Variants in HDLBP observed in about 807,000 individuals in gnomAD.
HDLBP encodes the protein vigilin.
In HDLBP, 30 loss-of-function variants were observed where a neutral mutation model predicts 137.3. That is an observed-to-expected ratio of 0.22 (90% CI 0.16 to 0.30). The LOEUF is 0.30. HDLBP is among the 10% of genes least tolerant of loss of function. HDLBP has a pLI of 1.00. For missense variants in HDLBP, 1,119 were observed against 1,667.3 expected (o/e 0.67, Z 5.73); for synonymous variants, 606 against 596.0 (o/e 1.02, Z -0.24).
chr2:241,302,418 C>T (rs1027862521), intron 1 of HDLBP, among the ~76,000 whole-genome samples: 4 of 152,188 alleles, frequency 2.6e-5, no homozygotes, highest in Middle Eastern at 3.4e-3. Flanking sequence ...ATTAGCCAGG[C>T]ACCCTATAGT....
Position 241,305,764 on chromosome 2 carries a change from T to G in HDLBP, c.-103+9806A>C, listed in dbSNP as rs1038617192. On this transcript the variant is annotated intron_variant, in intron 1 of 27. Coordinates refer to ENST00000310931, the MANE Select transcript of HDLBP (RefSeq NM_005336.6). ...TGAATACAAAGTTGTTTATTTGTTTTTTTTTTTTTTTTTGAGATGGAGTCT... is the reference window on the plus strand; with the variant it reads ...TGAATACAAAGTTGTTTATTTGTTTGTTTTTTTTTTTTTGAGATGGAGTCT... Among the ~76,000 whole-genome samples, 217 of 146,314 alleles carry G rather than the reference T, an allele frequency of 1.5e-3. 1 individual carries two copies. The highest frequency in any genetic ancestry group is 2.6e-3 in the Non-Finnish European group (167 of 65,042).
intron 1 of HDLBP, among the ~76,000 whole-genome samples, chr2:241,279,652 ACT>A (rs1401711316): frequency 6.6e-6 from 1 of 152,124 alleles, no homozygotes; most frequent in East Asian, 1.9e-4. Flanking sequence ...CTCTGGGAAA[ACT>A]GGTTATCTAC....
At chr2:241,265,872 G>T (rs139680555) in intron 3 of HDLBP, among the ~76,000 whole-genome samples, 7 of 152,298 alleles carry the variant, frequency 4.6e-5, no homozygotes, top group African/African-American at 1.7e-4. Context: ...GCTCCAGGAG[G>T]AGGATCCCAG....
Position 241,259,994 on chromosome 2 carries a change from GTTAT to G in HDLBP, c.450+2713_450+2716del, listed in dbSNP as rs147269062. ...ATCTTTCTGTGTTAGAAATTAAGAAGTTATTTATTTATTTATTTATTATTTTGAG... is the reference window on the plus strand; with the variant it reads ...ATCTTTCTGTGTTAGAAATTAAGAAGTTATTTATTTATTTATTATTTTGAG... On this transcript the variant is annotated intron_variant, in intron 5 of 27. Transcript: ENST00000310931. 3.0e-3 allele frequency among the ~76,000 whole-genome samples: 450 copies of G among 152,084 alleles called. 2 individuals carry two copies. The highest frequency in any genetic ancestry group is 5.0e-3 in the Non-Finnish European group (341 of 67,984).
intron 12 of HDLBP, 41 bp from the exon 13 acceptor site, chr2:241,248,389 C>G (rs552600870): frequency 6.8e-7 from 1 of 1,470,542 alleles, no homozygotes. Context: ...ATCACAAGCA[C>G]GGCGAGCAAC....
At chr2:241,279,097 A>G (rs2074504526) in intron 1 of HDLBP, among the ~76,000 whole-genome samples, 1 of 152,212 alleles carries the variant, frequency 6.6e-6, no homozygotes, top group Admixed American at 6.5e-5. Flanking sequence ...ACTTATAAAA[A>G]CCTTTGTCAA....
intron 11 of HDLBP, 73 bp from the exon 12 acceptor site, chr2:241,250,053 A>T: frequency 5.5e-6 from 8 of 1,459,982 alleles, no homozygotes; most frequent in Non-Finnish European, 6.5e-6. Context: ...ACTGGGCAGG[A>T]CAGCGCTAAA....
intron 24 of HDLBP, 67 bp from the exon 25 acceptor site, chr2:241,231,011 G>A (rs2069677718): frequency 6.5e-6 from 9 of 1,390,612 alleles, no homozygotes; most frequent in South Asian, 2.4e-5. Context: ...GGCAAGAGCC[G>A]GCCCCCACTG....
chr2:241,249,574 C>T (rs939622972), intron 12 of HDLBP, among the ~76,000 whole-genome samples: 9 of 152,362 alleles, frequency 5.9e-5, no homozygotes, highest in African/African-American at 1.9e-4. Context: ...GGCATCTGGG[C>T]ACCCAGGGTG....
At chr2:241,296,100 C>CAAAA (rs34959720) in intron 1 of HDLBP, among the ~76,000 whole-genome samples, 6 of 85,676 alleles carry the variant, frequency 7.0e-5, no homozygotes, top group Admixed American at 1.3e-4. Context: ...GAAAATTTTG[C>CAAAA]AAAAAAAAAA....
Position 241,278,847 on chromosome 2 carries a change from C to T in HDLBP, c.-102-10306G>A, listed in dbSNP as rs540504122. ...CACACAATCAATTATGTTTCCAAAACACCAGCAACAAACTATTAAAAATAA... is the reference window on the plus strand; with the variant it reads ...CACACAATCAATTATGTTTCCAAAATACCAGCAACAAACTATTAAAAATAA... On this transcript the variant is annotated intron_variant, in intron 1 of 27. Transcript: ENST00000310931. Among the ~76,000 whole-genome samples the T allele has an allele frequency of 1.4e-4, 21 of 152,148 alleles. No homozygotes were observed. In the South Asian group the frequency reaches 4.4e-3, roughly 32 times the overall value.
intron 1 of HDLBP, among the ~76,000 whole-genome samples, chr2:241,298,411 G>A (rs376434332): frequency 1.4e-4 from 21 of 151,804 alleles, no homozygotes; most frequent in African/African-American, 5.1e-4. Context: ...ATAAATAAAG[G>A]ACACAGGAGC....
chr2:241,236,805 G>A (rs373780481), intron 20 of HDLBP, 36 bp from the exon 21 acceptor site: 2 of 1,606,086 alleles, frequency 1.2e-6, no homozygotes, highest in East Asian at 2.2e-5. Context: ...GCTGACAGCT[G>A]CTGGAAGAGA....
chr2:241,266,845 G>A lies in HDLBP; in HGVS notation c.25C>T (p.Gln9Ter). ...CTTCGGTGTTCAGCAAAACTCTCTT[G>A]GGTCAAAACTGCAACGGAACTCATG... is the stretch of plus-strand genomic sequence containing the variant. Reference protein sequence around the residue: MSSVAVLTQESFAEHRSGL... With the variant: MSSVAVLT Residue 9 changes from glutamine (Q) to a stop codon, truncating the protein, a stop_gained, in exon 3 of 28, where the codon CAA becomes TAA. Transcript: ENST00000310931. LOFTEE classifies it high-confidence loss of function. 6.2e-7 allele frequency: 1 copy of A among 1,614,118 alleles called. No homozygotes were observed. The highest frequency in any genetic ancestry group is 2.2e-5 in the East Asian group (1 of 44,890).
Position 241,238,600 on chromosome 2 carries a change from TG to T in HDLBP, c.2749+48del, listed in dbSNP as rs529788028. The stretch of plus-strand genomic sequence containing the variant: ...ATGTGCGACAGCCCCGCCTCTCACA[TG>T]GGAGGCGCCACTATTAACAAGCAGA... On this transcript the variant is annotated intron_variant, in intron 20 of 27. Coordinates refer to ENST00000310931, the MANE Select transcript of HDLBP (RefSeq NM_005336.6). The surrounding 1 kb of genome is among the most constrained non-coding windows in gnomAD (Gnocchi z 4.9). The T allele has an allele frequency of 2.9e-5, 41 of 1,421,062 alleles. No individual in the cohort carries two copies. The East Asian group carries it at 1.0e-3, about 35-fold the overall frequency. 88.0% of individuals were successfully genotyped at this position (1,421,062 alleles called of 1,614,324 possible). A position where few individuals can be genotyped will look rare whatever the true frequency, so the allele number is the denominator to read the frequency against.
At chr2:241,241,342 C>T (rs56216206) in intron 17 of HDLBP, among the ~76,000 whole-genome samples, 17,038 of 151,804 alleles carry the variant, frequency 0.11, 1,232 homozygotes, top group Non-Finnish European at 0.15. Context: ...CCGAGGCGGG[C>T]GGATCACGAG....
At chr2:241,271,022 T>A in intron 1 of HDLBP, 4 of 985,394 alleles carry the variant, frequency 4.1e-6, no homozygotes, top group Non-Finnish European at 4.8e-6. Flanking sequence ...GGTCCACCCC[T>A]GCATGGCTGT....
At chr2:241,314,972 G>C (rs2149750687) in intron 1 of HDLBP, 1 of 152,272 alleles carries the variant, frequency 6.6e-6, no homozygotes, top group Non-Finnish European at 1.5e-5. Flanking sequence ...GGACACCCCG[G>C]GCCGGGGCAC....
At chr2:241,253,223 C>T in intron 10 of HDLBP, 170 bp downstream of exon 10, 1 of 674,004 alleles carries the variant, frequency 1.5e-6, no homozygotes, top group Non-Finnish European at 2.7e-6. Flanking sequence ...CACGATTATT[C>T]CAGGACTTCG....
Sources: allele counts gnomAD v4.1 joint callset (sites outside exome capture counted in the v4.1 genomes callset), GRCh38; gene constraint gnomAD v4.1.1; non-coding constraint Gnocchi (gnomAD v3.1); transcripts MANE v1.5; gene names NCBI Gene and HGNC (gene_info 2026-07-23, HGNC 2026-07-21).